The following TBC1D5 variants were observed in gnomAD, a reference collection of about 807,000 sequenced individuals.
TBC1D5 encodes TBC1 domain family, member 5.
In TBC1D5, 75 loss-of-function variants were observed where a neutral mutation model predicts 100.3. That is an observed-to-expected ratio of 0.75 (90% confidence interval 0.62 to 0.91). The LOEUF (loss-of-function observed/expected upper bound fraction) is 0.91. TBC1D5 is among the 40% of genes least tolerant of loss of function. The pLI is 0.00. For synonymous variants in TBC1D5, 323 were observed against 325.6 expected, an observed-to-expected ratio of 0.99 and a Z score of 0.09; for missense variants, 910 against 942.4, an observed-to-expected ratio of 0.97 and a Z score of 0.45.
chr3:17,266,742 A>C (rs2078889983), intron 15 of TBC1D5, among the ~76,000 whole-genome samples: 1 of 152,170 alleles, frequency 6.6e-6, no homozygotes, highest in African/African-American at 2.4e-5. Flanking sequence ...TTATTTCAGC[A>C]TCAGGATCAA....
intron 4 of TBC1D5, among the ~76,000 whole-genome samples, chr3:17,427,112 C>T (rs1474060744): frequency 6.6e-6 from 1 of 151,912 alleles, no homozygotes; most frequent in African/African-American, 2.4e-5. Flanking sequence ...TATTATACTT[C>T]AGGACTCAGA....
intron 13 of TBC1D5, among the ~76,000 whole-genome samples, chr3:17,345,837 C>T (rs928735073): frequency 1.3e-5 from 2 of 151,968 alleles, no homozygotes; most frequent in African/African-American, 4.8e-5. Context: ...ACCAAACACC[C>T]CATATTCTCA....
chr3:17,512,720 T>C (rs1476366920), intron 2 of TBC1D5, among the ~76,000 whole-genome samples: 1 of 152,210 alleles, frequency 6.6e-6, no homozygotes, highest in African/African-American at 2.4e-5. Flanking sequence ...TAAATAACAA[T>C]TTCTCCTATT....
At chr3:17,614,756 T>A (rs185781533) in intron 2 of TBC1D5, among the ~76,000 whole-genome samples, 1 of 152,222 alleles carries the variant, frequency 6.6e-6, no homozygotes, top group Non-Finnish European at 1.5e-5. Context: ...TTTGTTGAAG[T>A]TGCTTATCAG....
intron 4 of TBC1D5, among the ~76,000 whole-genome samples, chr3:17,413,646 C>T (rs1291559942): frequency 2.0e-5 from 3 of 152,254 alleles, no homozygotes; most frequent in Middle Eastern, 3.4e-3. Flanking sequence ...TTATAACCTA[C>T]ATGATGACTA....
At chr3:17,725,493 C>T (rs770860633) in intron 1 of TBC1D5, among the ~76,000 whole-genome samples, 1 of 151,906 alleles carries the variant, frequency 6.6e-6, no homozygotes, top group Non-Finnish European at 1.5e-5. Context: ...ACAGGCATGG[C>T]TCTTTGGAGT....
chr3:17,395,438 A>G (rs2093476136), intron 8 of TBC1D5, among the ~76,000 whole-genome samples: 1 of 152,146 alleles, frequency 6.6e-6, no homozygotes, highest in Non-Finnish European at 1.5e-5. Context: ...AAATAAATAC[A>G]AAGCATTACC....
At chr3:17,484,771 A>C (rs1381262219) in intron 3 of TBC1D5, among the ~76,000 whole-genome samples, 1 of 152,122 alleles carries the variant, frequency 6.6e-6, no homozygotes, top group Non-Finnish European at 1.5e-5. Context: ...GGCATGAGCC[A>C]CTAGGCCCGA....
chr3:17,313,354 G>T (rs1183249771), intron 13 of TBC1D5, among the ~76,000 whole-genome samples: 2 of 152,138 alleles, frequency 1.3e-5, no homozygotes, highest in Admixed American at 1.3e-4. Flanking sequence ...TTGGGAAAAC[G>T]AATTTTAGGC....
At chr3:17,488,589 C>T (rs897751516) in intron 3 of TBC1D5, among the ~76,000 whole-genome samples, 1 of 152,076 alleles carries the variant, frequency 6.6e-6, no homozygotes, top group African/African-American at 2.4e-5. Context: ...TTTTGCATTC[C>T]CACCAGCAAT....
intron 1 of TBC1D5, among the ~76,000 whole-genome samples, chr3:17,692,666 C>A (rs1451448031): frequency 6.6e-6 from 1 of 152,072 alleles, no homozygotes; most frequent in African/African-American, 2.4e-5. Context: ...AAATTATATG[C>A]TTATTAGGTA....
intron 1 of TBC1D5, among the ~76,000 whole-genome samples, chr3:17,700,297 TC>T (rs1377177085): frequency 6.6e-6 from 1 of 152,084 alleles, no homozygotes; most frequent in Non-Finnish European, 1.5e-5. Context: ...TGAAACTGGA[TC>T]CCTTCCTTAC....
intron 3 of TBC1D5, among the ~76,000 whole-genome samples, chr3:17,493,207 G>C (rs1414037735): frequency 3.3e-5 from 5 of 152,090 alleles, no homozygotes; most frequent in Non-Finnish European, 7.4e-5. Context: ...AGTTTGGCCA[G>C]ATGTGAAATT....
At chr3:17,176,749 T>C (rs1466865159) in intron 19 of TBC1D5, among the ~76,000 whole-genome samples, 1 of 151,004 alleles carries the variant, frequency 6.6e-6, no homozygotes, top group Non-Finnish European at 1.5e-5. Context: ...TGTATACCTA[T>C]GTAACAAACC....
chr3:17,692,654 A>T (rs555864905), intron 1 of TBC1D5, among the ~76,000 whole-genome samples: 21 of 152,320 alleles, frequency 1.4e-4, no homozygotes, highest in South Asian at 4.1e-4. Context: ...TAATTTTTTT[A>T]AAAATTATAT....
chr3:17,647,771 A>G (rs905915714), intron 1 of TBC1D5, among the ~76,000 whole-genome samples: 1 of 152,210 alleles, frequency 6.6e-6, no homozygotes, highest in Non-Finnish European at 1.5e-5. Context: ...ACTTCTTAGT[A>G]GCCTGATCTG....
At chr3:17,305,612 A>G (rs1025678612) in intron 14 of TBC1D5, among the ~76,000 whole-genome samples, 2 of 152,136 alleles carry the variant, frequency 1.3e-5, no homozygotes, top group Non-Finnish European at 2.9e-5. Flanking sequence ...ATTTCTTATA[A>G]ATATCTCAAA....
intron 1 of TBC1D5, among the ~76,000 whole-genome samples, chr3:17,689,518 C>CAAA (rs373476990): frequency 1.8e-5 from 1 of 55,048 alleles, no homozygotes; most frequent in African/African-American, 7.1e-5. Context: ...GACCCTGTCT[C>CAAA]AAAAAAAAAA....
chr3:17,339,948 T>C (rs911986010), intron 13 of TBC1D5, among the ~76,000 whole-genome samples: 6 of 152,230 alleles, frequency 3.9e-5, no homozygotes, highest in Non-Finnish European at 4.4e-5. Context: ...GTGAGAAATA[T>C]AGCAGTATAT....
Sources: allele counts gnomAD v4.1 joint callset (sites outside exome capture counted in the v4.1 genomes callset), GRCh38; gene constraint gnomAD v4.1.1; transcripts MANE v1.5; gene names NCBI Gene and HGNC (gene_info 2026-07-23, HGNC 2026-07-21).